DCAF6: variants seen among roughly 807,000 people sequenced by gnomAD.
DCAF6 encodes DDB1 and CUL4 associated factor 6.
Under a neutral mutation model 125.1 loss-of-function variants are expected in DCAF6, and 54 were observed. The ratio of observed to expected loss-of-function variants is 0.43; its 90% CI spans 0.35 to 0.54. DCAF6 has a LOEUF of 0.54. Among genes scored for constraint, DCAF6 ranks in the 20% least tolerant of loss-of-function variants. The probability of loss-of-function intolerance (pLI) is 0.01; values close to 1 mark genes in which losing one functional copy is unlikely to be tolerated. For missense variants in DCAF6, 934 were observed against 1,161.7 expected (o/e 0.80, Z 2.85); for synonymous variants, 371 against 390.4 (o/e 0.95, Z 0.58).
chr1:167,893,112 T>C, the DCAF6 span, among the ~76,000 whole-genome samples: 3 of 152,060 alleles, frequency 2.0e-5, no homozygotes, highest in Non-Finnish European at 2.9e-5. Flanking sequence ...GAGAAAATAT[T>C]GGAGGGTGGA....
chr1:167,932,011 C>T (rs563960668), upstream of DCAF6, among the ~76,000 whole-genome samples: 1 of 152,260 alleles, frequency 6.6e-6, no homozygotes, highest in South Asian at 2.1e-4. Flanking sequence ...ATTCTCAGCA[C>T]CAGCACATTA....
intron 1 of DCAF6, among the ~76,000 whole-genome samples, chr1:167,941,611 A>G (rs1672253358): frequency 6.6e-6 from 1 of 152,082 alleles, no homozygotes; most frequent in South Asian, 2.1e-4. Context: ...GAACTGGTAG[A>G]GTACGCACTA....
Position 167,940,996 on chromosome 1 carries a change from G to T in DCAF6, c.97+3988G>T, listed in dbSNP as rs180836732. Among the ~76,000 whole-genome samples the T allele has an allele frequency of 2.0e-4, 30 of 152,036 alleles. No individual in the cohort carries two copies. The South Asian group carries it at 5.6e-3, about 28-fold the overall frequency. Reference sequence around the variant, plus strand: ...TATGTACTGAAATGGATAATTTTGCGTGTCGATTACTCTTTAGTGCATCTT... The same window carrying T: ...TATGTACTGAAATGGATAATTTTGCTTGTCGATTACTCTTTAGTGCATCTT... On this transcript the variant is annotated intron_variant, in intron 1 of 21. Coordinates refer to ENST00000367840, the MANE Select transcript of DCAF6 (RefSeq NM_001198956.2).
chr1:167,880,475 C>G, the DCAF6 span: 12 of 1,582,092 alleles, frequency 7.6e-6, no homozygotes, highest in African/African-American at 1.3e-5. Context: ...TGGGTGGGAC[C>G]AGGGTCAATA....
chr1:167,922,917 A>G, the DCAF6 span, among the ~76,000 whole-genome samples: 4 of 152,228 alleles, frequency 2.6e-5, no homozygotes, highest in African/African-American at 7.2e-5. Context: ...TCCAAAGAAT[A>G]TACACAACTG....
intron 13 of DCAF6, among the ~76,000 whole-genome samples, chr1:168,041,892 G>GCA (rs756614679): frequency 0.062 from 7,469 of 119,744 alleles, 304 homozygotes; most frequent in Non-Finnish European, 0.071. Flanking sequence ...CATGTTTGTC[G>GCA]CGCACACACA....
intron 16 of DCAF6, among the ~76,000 whole-genome samples, chr1:168,047,243 G>A (rs1338680327): frequency 6.6e-6 from 1 of 152,002 alleles, no homozygotes; most frequent in African/African-American, 2.4e-5. Flanking sequence ...GATTCTTTTA[G>A]CATTTAGATC....
At chr1:167,990,057 T>C (rs959305691) in intron 5 of DCAF6, among the ~76,000 whole-genome samples, 1 of 152,158 alleles carries the variant, frequency 6.6e-6, no homozygotes, top group Non-Finnish European at 1.5e-5. Context: ...TACTTTATTT[T>C]TGAGCTGGTT....
chr1:167,908,917 AAGCATAACATAC>A, the DCAF6 span, among the ~76,000 whole-genome samples: 1 of 152,234 alleles, frequency 6.6e-6, no homozygotes, highest in African/African-American at 2.4e-5. Flanking sequence ...ACTTTTATTG[AAGCATAACATAC>A]ATGTAGGAAA....
intron 11 of DCAF6, among the ~76,000 whole-genome samples, chr1:168,021,735 G>A (rs1483186415): frequency 1.3e-5 from 2 of 152,138 alleles, no homozygotes; most frequent in African/African-American, 2.4e-5. Flanking sequence ...GATTGAAATG[G>A]TACCACTAGC....
At chr1:167,948,134 C>CTTTTTTTTTT (rs34716266) in intron 1 of DCAF6, among the ~76,000 whole-genome samples, 1 of 132,844 alleles carries the variant, frequency 7.5e-6, no homozygotes, top group Non-Finnish European at 1.6e-5. Flanking sequence ...TTTCTTAGTC[C>CTTTTTTTTTT]TTTTTTTTTT....
At chr1:168,006,344 T>C (rs1247663719) in intron 10 of DCAF6, among the ~76,000 whole-genome samples, 1 of 152,200 alleles carries the variant, frequency 6.6e-6, no homozygotes, top group Non-Finnish European at 1.5e-5. Context: ...CTTTTACTCA[T>C]AAATTATTTA....
At chr1:167,983,509 C>A (rs1318951581) in intron 4 of DCAF6, among the ~76,000 whole-genome samples, 1 of 152,112 alleles carries the variant, frequency 6.6e-6, no homozygotes, top group Non-Finnish European at 1.5e-5. Flanking sequence ...TCAAAGGGGC[C>A]TGTGTGTTTG....
In DCAF6 at chr1:168,015,926, C is replaced by G; in HGVS notation, c.1524C>G (p.Gly508=). The change falls in exon 11 of 22, where the codon GGC becomes GGG. Residue 508 remains glycine, a synonymous_variant. Transcript: ENST00000367840. ...CTTCTGATCAGTCTTCTCATGAGGG[C>G]TCTTCACAGGACCCTCATGCTTCAG... The part of the protein sequence containing the change: ...PSTSDQSSHE[G]SSQDPHASDS... The G allele has an allele frequency of 6.6e-7, 1 of 1,525,088 alleles. No homozygotes were observed. 94.5% of individuals were successfully genotyped at this position (1,525,088 alleles called of 1,614,324 possible).
chr1:168,027,611 G>C (rs73026196), intron 12 of DCAF6, among the ~76,000 whole-genome samples: 87 of 152,086 alleles, frequency 5.7e-4, no homozygotes, highest in African/African-American at 2.1e-3. Flanking sequence ...TTTTCCAGGT[G>C]CCCAAATCAT....
upstream of DCAF6, among the ~76,000 whole-genome samples, chr1:167,935,332 G>A (rs1405104344): frequency 1.3e-5 from 2 of 152,196 alleles, no homozygotes; most frequent in Non-Finnish European, 2.9e-5. Flanking sequence ...ACCCTACAGT[G>A]CGACAAACCA....
chr1:167,866,990 G>A, the DCAF6 span, among the ~76,000 whole-genome samples: 7 of 152,150 alleles, frequency 4.6e-5, no homozygotes, highest in Non-Finnish European at 1.0e-4. Flanking sequence ...ATGCTGTGGT[G>A]ACTTTAATCA....
intron 7 of DCAF6, among the ~76,000 whole-genome samples, chr1:167,993,673 C>T (rs966181264): frequency 6.6e-5 from 10 of 151,984 alleles, no homozygotes; most frequent in Non-Finnish European, 1.0e-4. Flanking sequence ...CGCTTGAACC[C>T]GGGAGGCGGA....
chr1:168,036,690 C>T (rs1687851492), intron 12 of DCAF6, among the ~76,000 whole-genome samples: 1 of 152,054 alleles, frequency 6.6e-6, no homozygotes, highest in South Asian at 2.1e-4. Flanking sequence ...TTCCTTAATA[C>T]ATTTCTGTAA....
Sources: gnomAD v4.1 joint callset for allele counts (sites outside exome capture counted in the v4.1 genomes callset) on GRCh38, gnomAD v4.1.1 for gene constraint, MANE v1.5 for transcripts, NCBI Gene and HGNC (gene_info 2026-07-23, HGNC 2026-07-21) for gene names.